Variants in BIRC6 observed in about 807,000 individuals in gnomAD.
BIRC6 encodes the protein dual E2 ubiquitin-conjugating enzyme/E3 ubiquitin-protein ligase BIRC6.
Under a neutral mutation model 503.3 loss-of-function variants are expected in BIRC6, and 98 were observed. The observed-to-expected ratio is 0.19, with a 90% CI of 0.17 to 0.23. BIRC6 has a LOEUF of 0.23. BIRC6 is among the 10% of genes least tolerant of loss of function. The pLI, the probability that BIRC6 is intolerant of heterozygous loss-of-function variation, is 1.00. For synonymous variants in BIRC6, 2,240 were observed against 2,078.7 expected, an observed-to-expected ratio of 1.08 and a Z score of -2.11; for missense variants, 5,360 against 5,806.0, an observed-to-expected ratio of 0.92 and a Z score of 2.50.
At chr2:32,610,318 A>G (rs904101594) in intron 72 of BIRC6, among the ~76,000 whole-genome samples, 2 of 152,182 alleles carry the variant, frequency 1.3e-5, no homozygotes, top group Admixed American at 6.6e-5. Context: ...TCAGAAATAG[A>G]CTCTTACTAC....
At chr2:32,435,955 T>TGTG in intron 14 of BIRC6, 98 bp from the exon 15 acceptor site, 1 of 640,040 alleles carries the variant, frequency 1.6e-6, no homozygotes, top group Non-Finnish European at 2.3e-6. Context: ...TGATATTTTG[T>TGTG]GTGGTGGTAT....
At chr2:32,521,385 A>AAAAAAAAAAAAAAAAAAAAAAAC in intron 57 of BIRC6, among the ~76,000 whole-genome samples, 1 of 148,024 alleles carries the variant, frequency 6.8e-6, no homozygotes, top group Non-Finnish European at 1.5e-5. Context: ...AAAAAAAAAA[A>AAAAAAAAAAAAAAAAAAAAAAAC]AAAAAAAAGC....
chr2:32,381,025 G>C (rs1239795686), intron 3 of BIRC6, among the ~76,000 whole-genome samples: 1 of 151,736 alleles, frequency 6.6e-6, no homozygotes, highest in East Asian at 1.9e-4. Context: ...TAAATCCTTG[G>C]GTATATTTTT....
At chr2:32,602,859 T>A in intron 70 of BIRC6, 147 bp from the exon 71 acceptor site, 2 of 558,338 alleles carry the variant, frequency 3.6e-6, no homozygotes, top group Non-Finnish European at 5.9e-6. Context: ...CAATTTGTTT[T>A]AACAGACAAC....
chr2:32,561,903 G>A (rs557575877), intron 65 of BIRC6, among the ~76,000 whole-genome samples: 6 of 151,882 alleles, frequency 4.0e-5, no homozygotes, highest in South Asian at 2.1e-4. Flanking sequence ...CTAGCCAGGC[G>A]TGGTGGTGGG....
In BIRC6 at chr2:32,482,560, A is replaced by T. The variant is rs377324952; in HGVS notation, c.7674A>T (p.Thr2558=). ...ACACGGAGAAGAACGGATCACAGAC[A>T]GTTAGCGTTTCAGTCTCTCAGGGTA... is the stretch of plus-strand genomic sequence containing the variant. ...PANTEKNGSQ[T]VSVSVSQALD... Residue 2558 remains threonine, a synonymous_variant, in exon 39 of 74, where the codon ACA becomes ACT. Coordinates refer to ENST00000421745, the MANE Select transcript of BIRC6 (RefSeq NM_016252.4). The T allele has an allele frequency of 5.6e-6, 9 of 1,613,830 alleles. No homozygotes were observed. The highest frequency in any genetic ancestry group is 1.3e-5 in the African/African-American group (1 of 74,948).
Position 32,470,200 on chromosome 2 carries a change from G to A in BIRC6, c.6380G>A (p.Arg2127Lys). The change falls in exon 31 of 74, where the codon AGA becomes AAA. Residue 2127 changes from arginine (R) to lysine (K), a missense_variant. Arg to Lys is a conservative substitution (Grantham distance 26, BLOSUM62 2). Transcript: ENST00000421745. ...ATGTTACTTTCCTGCATTGGTCAAA[G>A]ATCACTTAGTAATAGTGGAGTATTA... ...VFMLLSCIGQ[R>K]SLSNSGVLES... 1 of 1,568,138 alleles carries A rather than the reference G, an allele frequency of 6.4e-7. No individual in the cohort carries two copies. Among genetic ancestry groups the A allele is most frequent in the Non-Finnish European group, 8.6e-7 (1 of 1,156,126 alleles).
chr2:32,494,363 G>C (rs775068142), intron 45 of BIRC6, among the ~76,000 whole-genome samples: 2 of 151,828 alleles, frequency 1.3e-5, no homozygotes, highest in Non-Finnish European at 2.9e-5. Context: ...CAGTAGCTGG[G>C]ATTACAGGCA....
chr2:32,511,228 T>TAC (rs2054393588), intron 53 of BIRC6, among the ~76,000 whole-genome samples: 2 of 112,864 alleles, frequency 1.8e-5, no homozygotes, highest in South Asian at 6.7e-4. Context: ...TTTTTTTTTT[T>TAC]ACATTTAGGT....
chr2:32,371,334 G>C (rs1658176728), intron 1 of BIRC6, among the ~76,000 whole-genome samples: 1 of 151,736 alleles, frequency 6.6e-6, no homozygotes, highest in Non-Finnish European at 1.5e-5. Context: ...CTAGAGATGG[G>C]CATTGTTAAC....
chr2:32,376,938 C>T (rs2036878605), intron 1 of BIRC6, among the ~76,000 whole-genome samples: 1 of 152,090 alleles, frequency 6.6e-6, no homozygotes, highest in African/African-American at 2.4e-5. Context: ...CTTCTATTGA[C>T]TGGGTAACTG....
Position 32,518,275 on chromosome 2 carries a change from A to G in BIRC6, c.11371A>G (p.Thr3791Ala), listed in dbSNP as rs774325819. Residue 3791 changes from threonine to alanine, a missense_variant, in exon 56 of 74, where the codon ACA (threonine) becomes GCA (alanine). Physicochemically the swap from Thr to Ala is moderately conservative, Grantham distance 58. Around this residue, in one of 16 missense-constraint regions of BIRC6, gnomAD observed 878 missense variants for 928.9 expected, o/e 0.95. Coordinates refer to ENST00000421745, the MANE Select transcript of BIRC6 (RefSeq NM_016252.4). Reference sequence around the variant, plus strand: ...CCAGGTTCTTTGTGAACTATTTCAGACATCTCCTCAAAGAGGGAACCTTCC... The same window carrying G: ...CCAGGTTCTTTGTGAACTATTTCAGGCATCTCCTCAAAGAGGGAACCTTCC... ...MAQVLCELFQ[T>A]SPQRGNLPTS... The G allele has an allele frequency of 3.7e-6, 6 of 1,613,226 alleles. No homozygotes were observed. In the South Asian group the frequency reaches 4.4e-5, roughly 12 times the overall value.
At chr2:32,529,199 G>C (rs1001122434) in intron 59 of BIRC6, 6 of 153,456 alleles carry the variant, frequency 3.9e-5, no homozygotes, top group African/African-American at 1.2e-4. Flanking sequence ...CCATTACCTA[G>C]GTGATGTGAG....
rs2057809908 is a variant in BIRC6, at chr2:32,543,229, C to A, written c.12292-12C>A. 2 of 1,608,838 alleles carry A rather than the reference C, an allele frequency of 1.2e-6. No individual in the cohort carries two copies. Among genetic ancestry groups the A allele is most frequent in the Admixed American group, 1.7e-5 (1 of 59,606 alleles). ...TGTGAATGGCCAAGCCAACACTTTT[C>A]TTTTTCTTTAGGTGAGTGCTCCAGT... On this transcript the variant is annotated splice_polypyrimidine_tract_variant and intron_variant, in intron 61 of 73. Transcript: ENST00000421745.
At chr2:32,433,888 G>T in intron 13 of BIRC6, 84 bp downstream of exon 13, 2 of 1,199,656 alleles carry the variant, frequency 1.7e-6, no homozygotes, top group Non-Finnish European at 2.3e-6. Context: ...GCTAAGTTTC[G>T]TGTCCCTTTC....
intron 40 of BIRC6, 82 bp downstream of exon 40, chr2:32,485,841 A>G (rs962485398): frequency 1.2e-4 from 110 of 931,604 alleles, no homozygotes; most frequent in Non-Finnish European, 1.7e-4. Flanking sequence ...TCAAGGACAG[A>G]TTTTTAAATT....
In BIRC6 at chr2:32,467,686, C is replaced by A; in HGVS notation, c.5518C>A (p.His1840Asn). The A allele has an allele frequency of 6.2e-7, 1 of 1,613,850 alleles. No individual in the cohort carries two copies. Among genetic ancestry groups the A allele is most frequent in the South Asian group, 1.1e-5 (1 of 91,068 alleles). Residue 1840 changes from histidine to asparagine, a missense_variant, in exon 27 of 74, where the codon CAT becomes AAT. Transcript: ENST00000421745. ...RLVVATDIST[H>N]SLILHDLIPP... ...GGTAGTGGCAACTGATATAAGCACT[C>A]ATTCACTAATTCTTCATGACTTAAT...
intron 6 of BIRC6, among the ~76,000 whole-genome samples, chr2:32,398,751 A>G (rs1259911650): frequency 1.2e-4 from 19 of 152,160 alleles, no homozygotes; most frequent in Admixed American, 1.2e-3. Context: ...ATATAAATAA[A>G]ATTTTATTGA....
chr2:32,395,820 G>A (rs10172510), intron 6 of BIRC6, among the ~76,000 whole-genome samples: 76,294 of 151,972 alleles, frequency 0.5, 19,609 homozygotes, highest in East Asian at 0.67. Flanking sequence ...GTACCAAACA[G>A]TAGAACCACG....
Sources: allele counts gnomAD v4.1 joint callset (sites outside exome capture counted in the v4.1 genomes callset), GRCh38; gene constraint gnomAD v4.1.1; regional missense constraint gnomAD v4.1.1; transcripts MANE v1.5; gene names NCBI Gene and HGNC (gene_info 2026-07-23, HGNC 2026-07-21).